ACP6: variants seen among roughly 807,000 people sequenced by gnomAD.
The protein encoded by ACP6 is lysophosphatidic acid phosphatase type 6.
A neutral mutation model predicts 48.1 loss-of-function variants in ACP6; 48 were observed. That is an observed-to-expected ratio of 1.00 (90% CI 0.79 to 1.27). The LOEUF (loss-of-function observed/expected upper bound fraction) is 1.27. ACP6 is among the 50% of genes most tolerant of loss of function. The probability of loss-of-function intolerance (pLI) is 0.00; values close to 1 mark genes in which losing one functional copy is unlikely to be tolerated. For synonymous variants in ACP6, 172 were observed against 204.2 expected (o/e 0.84, Z 1.34); for missense variants, 485 against 529.1 (o/e 0.92, Z 0.82).
chr1:147,651,672 C>T (rs1359454681), intron 7 of ACP6: 1 of 152,102 alleles, frequency 6.6e-6, no homozygotes, highest in East Asian at 1.9e-4. Context: ...CACACTGACC[C>T]TGAGTGGAAG....
At chr1:147,631,905 G>A (rs1659174691) in intron 5 of ACP6, among the ~76,000 whole-genome samples, 2 of 152,130 alleles carry the variant, frequency 1.3e-5, no homozygotes, top group Admixed American at 6.5e-5. Flanking sequence ...TAATTAGTAT[G>A]AAACCCAAGA....
intron 8 of ACP6, among the ~76,000 whole-genome samples, chr1:147,648,672 G>C (rs1415057118): frequency 1.3e-5 from 2 of 152,146 alleles, no homozygotes; most frequent in African/African-American, 2.4e-5. Context: ...TCCCTGGTGA[G>C]TTTCAAAGAA....
chr1:147,641,161 G>T (rs1198298404), downstream of ACP6, among the ~76,000 whole-genome samples: 1 of 151,962 alleles, frequency 6.6e-6, no homozygotes, highest in African/African-American at 2.4e-5. Flanking sequence ...GATTCCAGCT[G>T]AGGAAAAGGG....
intron 7 of ACP6, chr1:147,651,113 G>A (rs151214169): frequency 1.3e-5 from 2 of 152,304 alleles, no homozygotes; most frequent in Non-Finnish European, 2.9e-5. Context: ...ATCTTTATAA[G>A]TCAAGGAATG....
In ACP6 at chr1:147,644,281, T is replaced by A. The variant is rs1294665852; in HGVS notation, c.*3142A>T. The A allele has an allele frequency of 6.6e-6, 1 of 152,200 alleles. No individual in the cohort carries two copies. Among genetic ancestry groups the A allele is most frequent in the South Asian group, 2.1e-4 (1 of 4,822 alleles). 9.4% of individuals were successfully genotyped at this position (152,200 alleles called of 1,614,324 possible). On this transcript the variant is annotated 3_prime_UTR_variant, in exon 10 of 10. Transcript: ENST00000583509. ...AACATCACATTGTACTCCATAAATA[T>A]ACGCAATTATTATCTGTCAACTAAA...
chr1:147,633,509 T>TTC (rs1318917079), intron 5 of ACP6, among the ~76,000 whole-genome samples: 1 of 151,152 alleles, frequency 6.6e-6, no homozygotes, highest in Non-Finnish European at 1.5e-5. Context: ...AAAAGTTTCT[T>TTC]TTTTTTTTTT....
chr1:147,648,563 A>G (rs1449593634), intron 8 of ACP6, 152 bp from the exon 9 acceptor site: 8 of 877,298 alleles, frequency 9.1e-6, no homozygotes, highest in South Asian at 3.5e-5. Context: ...TTTGCAGTAG[A>G]TCGTGGGAAG....
At chr1:147,641,690 C>CA (rs199776243), downstream of ACP6, among the ~76,000 whole-genome samples, 1,914 of 152,322 alleles carry the variant, frequency 0.013, 14 homozygotes, top group Middle Eastern at 0.027. Context: ...TTTCCATCCT[C>CA]AGGACAAATC....
At chr1:147,662,721 T>A (rs1228920533) in intron 1 of ACP6, among the ~76,000 whole-genome samples, 2 of 152,240 alleles carry the variant, frequency 1.3e-5, no homozygotes, top group African/African-American at 4.8e-5. Flanking sequence ...AACAATGGAT[T>A]TATTACATAA....
intron 3 of ACP6, 174 bp downstream of exon 3, chr1:147,659,222 C>A (rs1014254890): frequency 9.3e-7 from 1 of 1,074,462 alleles, no homozygotes; most frequent in Non-Finnish European, 1.3e-6. Flanking sequence ...GCAATGAATG[C>A]GACCTCCAGG....
chr1:147,632,878 A>G (rs1166713435), intron 5 of ACP6, among the ~76,000 whole-genome samples: 1 of 152,144 alleles, frequency 6.6e-6, no homozygotes, highest in Non-Finnish European at 1.5e-5. Flanking sequence ...AGGGTGAAGC[A>G]AAGACAGCTG....
At chr1:147,655,303 G>T in intron 4 of ACP6, 55 bp from the exon 5 acceptor site, 1 of 1,269,906 alleles carries the variant, frequency 7.9e-7, no homozygotes, top group Non-Finnish European at 1.1e-6. Context: ...GTTCTTCCCA[G>T]CATCTCCACC....
rs781872978 is a variant in ACP6 at position 147,647,585 on chromosome 1, TCAG to T, written c.1144-22_1144-20del. ...CCTGCTCCTGCAGAAGAAACATAAC[TCAG>T]CAGGTCCGCCGAGGAACCTGTCCTT... On this transcript the variant is annotated intron_variant, in intron 9 of 9. Transcript: ENST00000583509. The T allele has an allele frequency of 6.2e-7, 1 of 1,608,590 alleles. No individual in the cohort carries two copies. The highest frequency in any genetic ancestry group is 8.5e-7 in the Non-Finnish European group (1 of 1,179,410).
chr1:147,631,571 T>C (rs1659164240), intron 5 of ACP6, among the ~76,000 whole-genome samples: 1 of 152,158 alleles, frequency 6.6e-6, no homozygotes, highest in Admixed American at 6.5e-5. Context: ...ATCCCTGCAC[T>C]TTGGGAGGCC....
rs1553210205 is a variant in ACP6 at position 147,650,018 on chromosome 1, G to A, written c.977+125C>T. ...TGAACCTCTTTGACACTTGAGGCCT[G>A]TTAAACATCTACCTTCGGTCACTGA... On this transcript the variant is annotated intron_variant, in intron 8 of 9. Transcript: ENST00000583509. 6 of 742,216 alleles carry A rather than the reference G, an allele frequency of 8.1e-6. No homozygotes were observed. In the African/African-American group the frequency reaches 1.1e-4, roughly 14 times the overall value. 46.0% of individuals were successfully genotyped at this position (742,216 alleles called of 1,614,324 possible).
chr1:147,633,096 C>A (rs1659212219), intron 5 of ACP6, among the ~76,000 whole-genome samples: 1 of 152,202 alleles, frequency 6.6e-6, no homozygotes, highest in Non-Finnish European at 1.5e-5. Flanking sequence ...GGAGCCCATT[C>A]TATTGAACAT....
Position 147,645,230 on chromosome 1 carries a change from A to G in ACP6, c.*2193T>C, listed in dbSNP as rs1252675836. 1 of 151,026 alleles carries G rather than the reference A, an allele frequency of 6.6e-6. No homozygotes were observed. The highest frequency in any genetic ancestry group is 6.6e-5 in the Admixed American group (1 of 15,130). 9.4% of individuals were successfully genotyped at this position (151,026 alleles called of 1,614,324 possible). ...TTATAAAATTATAATAATTTTATAA[A>G]AATATAATAATTTTTGTATTTTTAG... On this transcript the variant is annotated 3_prime_UTR_variant, in exon 10 of 10. Transcript: ENST00000583509.
chr1:147,652,062 G>C (rs1659950369), intron 7 of ACP6: 1 of 167,480 alleles, frequency 6.0e-6, no homozygotes, highest in Non-Finnish European at 1.3e-5. Context: ...CAGGGAGAAA[G>C]GTATCTCTCT....
chr1:147,632,490 GAGGAC>G (rs1270271461), intron 5 of ACP6, among the ~76,000 whole-genome samples: 2 of 152,062 alleles, frequency 1.3e-5, no homozygotes, highest in African/African-American at 4.8e-5. Context: ...GCTGGGGGTG[GAGGAC>G]ACACAGAGAA....
Sources: allele counts gnomAD v4.1 joint callset (sites outside exome capture counted in the v4.1 genomes callset), GRCh38; gene constraint gnomAD v4.1.1; transcripts MANE v1.5; gene names NCBI Gene and HGNC (gene_info 2026-07-23, HGNC 2026-07-21).